CCSER1: variants seen among roughly 807,000 people sequenced by gnomAD.
The protein encoded by CCSER1 is coiled-coil serine rich protein 1.
CCSER1 carries 41 observed loss-of-function variants against 82.0 expected under a neutral mutation model. That is an observed-to-expected ratio of 0.50 (90% confidence interval 0.39 to 0.65). CCSER1 has a LOEUF of 0.65. CCSER1 is among the 30% of genes least tolerant of loss of function. The probability of loss-of-function intolerance (pLI) is 0.00; values close to 1 mark genes in which losing one functional copy is unlikely to be tolerated. For missense variants in CCSER1, 1,119 were observed against 1,064.2 expected (o/e 1.05, Z -0.72); for synonymous variants, 414 against 383.9 (o/e 1.08, Z -0.92).
intron 5 of CCSER1, among the ~76,000 whole-genome samples, chr4:90,608,695 A>G (rs1472805966): frequency 1.3e-5 from 2 of 152,194 alleles, no homozygotes; most frequent in Non-Finnish European, 2.9e-5. Context: ...TAATGTTTCC[A>G]TTAAACTCCT....
intron 1 of CCSER1, among the ~76,000 whole-genome samples, chr4:90,156,510 G>A (rs1454615081): frequency 6.6e-6 from 1 of 152,166 alleles, no homozygotes; most frequent in Non-Finnish European, 1.5e-5. Context: ...GGGAGTCTAA[G>A]TCTCTTTGTA....
At chr4:91,019,533 A>G (rs571803672) in intron 9 of CCSER1, among the ~76,000 whole-genome samples, 16 of 152,288 alleles carry the variant, frequency 1.1e-4, no homozygotes, top group South Asian at 1.0e-3. Context: ...TTCAAAATCC[A>G]TATGATGATT....
chr4:90,786,087 T>G (rs968718475), intron 7 of CCSER1, among the ~76,000 whole-genome samples: 55 of 152,298 alleles, frequency 3.6e-4, no homozygotes, highest in African/African-American at 1.3e-3. Flanking sequence ...TGAGGGGGAT[T>G]CTTCTTTGTC....
chr4:90,693,892 AAGAG>A (rs956668382), intron 6 of CCSER1, among the ~76,000 whole-genome samples: 1 of 148,710 alleles, frequency 6.7e-6, no homozygotes, highest in Non-Finnish European at 1.5e-5. Context: ...AGAAAGAAGA[AAGAG>A]AAAGAAAGAA....
intron 7 of CCSER1, 138 bp downstream of exon 7, chr4:90,724,129 T>C (rs1743213505): frequency 1.9e-6 from 1 of 533,970 alleles, no homozygotes; most frequent in Admixed American, 3.1e-5. Context: ...AAATCGTTTT[T>C]TTGTGTGTTC....
chr4:90,891,314 A>G (rs1334818057), intron 8 of CCSER1, among the ~76,000 whole-genome samples: 1 of 151,722 alleles, frequency 6.6e-6, no homozygotes, highest in Non-Finnish European at 1.5e-5. Flanking sequence ...AAATATATTT[A>G]TATAATGTCA....
intron 10 of CCSER1, among the ~76,000 whole-genome samples, chr4:91,289,217 G>T (rs926169854): frequency 6.6e-6 from 1 of 151,896 alleles, no homozygotes; most frequent in African/African-American, 2.4e-5. Flanking sequence ...CACACTAAAG[G>T]CTTCATAGAA....
intron 3 of CCSER1, among the ~76,000 whole-genome samples, chr4:90,374,987 C>T (rs1283914820): frequency 6.6e-6 from 1 of 152,086 alleles, no homozygotes; most frequent in Non-Finnish European, 1.5e-5. Context: ...ATAATCAACT[C>T]AAAAATAATT....
At chr4:90,693,584 G>A (rs761537048) in intron 6 of CCSER1, 10 of 151,950 alleles carry the variant, frequency 6.6e-5, no homozygotes, top group Admixed American at 6.6e-4. Context: ...CCTTGGAAAG[G>A]TGTCCTATTG....
intron 6 of CCSER1, among the ~76,000 whole-genome samples, chr4:90,686,397 C>T (rs1734822730): frequency 6.6e-6 from 1 of 151,928 alleles, no homozygotes; most frequent in Admixed American, 6.6e-5. Context: ...TGCTAGAAAT[C>T]TGGGGTTGTA....
Position 90,919,595 on chromosome 4 carries a change from A to C in CCSER1, c.2095-3775A>C, listed in dbSNP as rs532610952. On this transcript the variant is annotated intron_variant, in intron 8 of 10. Transcript: ENST00000509176. ...AAAGGGAATGTGAGTACAGTTAAGT[A>C]CCCTTAATAAATTTATATATTTTAT... Among the ~76,000 whole-genome samples, 7 of 151,982 alleles carry C rather than the reference A, an allele frequency of 4.6e-5. No individual in the cohort carries two copies. The East Asian group carries it at 1.4e-3, about 29-fold the overall frequency.
At chr4:90,928,410 A>G (rs1729327977) in intron 9 of CCSER1, among the ~76,000 whole-genome samples, 1 of 152,120 alleles carries the variant, frequency 6.6e-6, no homozygotes, top group African/African-American at 2.4e-5. Context: ...AAATATGACT[A>G]AGTCCCCTCT....
intron 10 of CCSER1, among the ~76,000 whole-genome samples, chr4:91,581,328 G>GT (rs1236114241): frequency 6.6e-6 from 1 of 151,688 alleles, no homozygotes; most frequent in Admixed American, 6.6e-5. Context: ...CTTGCTCAGT[G>GT]TTTTTGGTAT....
chr4:91,296,475 A>T (rs1352502385), intron 10 of CCSER1, among the ~76,000 whole-genome samples: 10 of 135,354 alleles, frequency 7.4e-5, no homozygotes, highest in East Asian at 4.0e-4. Flanking sequence ...ATGTATATAT[A>T]TATATATATA....
chr4:91,569,625 C>T (rs1014002330), intron 10 of CCSER1, among the ~76,000 whole-genome samples: 1 of 152,054 alleles, frequency 6.6e-6, no homozygotes, highest in Non-Finnish European at 1.5e-5. Context: ...CTTATAAAAT[C>T]ATCAGATCTC....
At chr4:91,042,893 T>G (rs1281811483) in intron 9 of CCSER1, among the ~76,000 whole-genome samples, 3 of 152,164 alleles carry the variant, frequency 2.0e-5, no homozygotes, top group Non-Finnish European at 4.4e-5. Flanking sequence ...TCCGGTATTT[T>G]AGGGATCCTC....
intron 3 of CCSER1, among the ~76,000 whole-genome samples, chr4:90,389,610 A>G (rs1750639538): frequency 1.3e-5 from 2 of 152,180 alleles, no homozygotes; most frequent in Admixed American, 1.3e-4. Flanking sequence ...ATACAACAGT[A>G]GAGACTCTGA....
At chr4:90,577,035 T>G (rs1484828907) in intron 5 of CCSER1, among the ~76,000 whole-genome samples, 1 of 152,082 alleles carries the variant, frequency 6.6e-6, no homozygotes, top group African/African-American at 2.4e-5. Context: ...CTAACCAGCA[T>G]GTTGTGTTAT....
chr4:90,491,012 T>G (rs1334534561), intron 5 of CCSER1, among the ~76,000 whole-genome samples: 1 of 152,210 alleles, frequency 6.6e-6, no homozygotes, highest in Non-Finnish European at 1.5e-5. Context: ...CGGGCCCTTT[T>G]TGGTTCCATA....
Sources: allele counts gnomAD v4.1 joint callset (sites outside exome capture counted in the v4.1 genomes callset), GRCh38; gene constraint gnomAD v4.1.1; transcripts MANE v1.5; gene names NCBI Gene and HGNC (gene_info 2026-07-23, HGNC 2026-07-21).